Variants in TFRC observed in about 807,000 individuals in gnomAD.
TFRC encodes the protein transferrin receptor protein 1.
In TFRC, 35 loss-of-function variants were observed where a neutral mutation model predicts 85.8. The observed-to-expected ratio is 0.41, with a 90% CI of 0.31 to 0.54. The LOEUF (loss-of-function observed/expected upper bound fraction) is 0.54. Ranked by LOEUF, TFRC falls within the 20% of genes least tolerant of loss-of-function variation. The pLI is 0.31. For missense variants in TFRC, 828 were observed against 921.5 expected (o/e 0.90, Z 1.31); for synonymous variants, 362 against 328.6 (o/e 1.10, Z -1.10).
chr3:196,052,392 C>T (rs41298093), intron 18 of TFRC, among the ~76,000 whole-genome samples: 2 of 151,240 alleles, frequency 1.3e-5, no homozygotes, highest in African/African-American at 2.4e-5. Context: ...CTCCACCTCC[C>T]GAGTTCAAGC....
At chr3:196,056,006 G>A (rs1716759255) in intron 16 of TFRC, among the ~76,000 whole-genome samples, 2 of 151,518 alleles carry the variant, frequency 1.3e-5, no homozygotes, top group Middle Eastern at 3.4e-3. Context: ...GCCTCTCTCT[G>A]TCACCCAGGC....
At chr3:196,052,291 ACTTTT>A in intron 18 of TFRC, 107 bp from the exon 19 acceptor site, 3 of 883,434 alleles carry the variant, frequency 3.4e-6, no homozygotes, top group Non-Finnish European at 3.2e-6. Flanking sequence ...TGCCGATCAG[ACTTTT>A]TTTTTTTTTT....
intron 16 of TFRC, among the ~76,000 whole-genome samples, chr3:196,056,667 CT>C (rs1349589207): frequency 1.3e-5 from 2 of 152,268 alleles, no homozygotes; most frequent in East Asian, 3.9e-4. Flanking sequence ...CTCCCAAATG[CT>C]GGGATTACAG....
intron 18 of TFRC, 49 bp downstream of exon 18, chr3:196,053,369 G>C: frequency 6.2e-7 from 1 of 1,602,558 alleles, no homozygotes; most frequent in Admixed American, 1.7e-5. Context: ...AAGATTTATC[G>C]GTTATTTTAC....
At chr3:196,077,752 C>CAA (rs143065773) in intron 1 of TFRC, among the ~76,000 whole-genome samples, 4 of 144,718 alleles carry the variant, frequency 2.8e-5, no homozygotes, top group African/African-American at 7.6e-5. Flanking sequence ...AACTCTGTCT[C>CAA]AAAAAAAAAA....
chr3:196,058,800 C>T, intron 14 of TFRC, 168 bp from the exon 15 acceptor site: 1 of 418,768 alleles, frequency 2.4e-6, no homozygotes, highest in Non-Finnish European at 4.2e-6. Context: ...TAAGTTATTA[C>T]TAACTAGGCT....
chr3:196,061,991 C>A (rs1018875497), intron 13 of TFRC, among the ~76,000 whole-genome samples: 4 of 152,184 alleles, frequency 2.6e-5, no homozygotes, highest in African/African-American at 4.8e-5. Flanking sequence ...AGGCTGAGGG[C>A]AATGGCTCAT....
chr3:196,061,309 T>C (rs1201364922), intron 13 of TFRC, among the ~76,000 whole-genome samples: 1 of 152,186 alleles, frequency 6.6e-6, no homozygotes, highest in African/African-American at 2.4e-5. Flanking sequence ...CATAGTTTAG[T>C]TTCTTCTCAC....
At chr3:196,071,227 T>TA (rs1266312955) in intron 6 of TFRC, among the ~76,000 whole-genome samples, 169 bp downstream of exon 6, 1 of 152,112 alleles carries the variant, frequency 6.6e-6, no homozygotes, top group African/African-American at 2.4e-5. Context: ...GGAAAGTGAT[T>TA]AGAGAGAGAA....
chr3:196,071,313 A>G (rs1260798880), intron 6 of TFRC, 83 bp downstream of exon 6: 3 of 1,350,248 alleles, frequency 2.2e-6, no homozygotes, highest in Non-Finnish European at 3.1e-6. Flanking sequence ...TTACAGGTAA[A>G]TTTATAACTC....
At chr3:196,059,586 A>G (rs955421114) in intron 14 of TFRC, among the ~76,000 whole-genome samples, 3 of 151,940 alleles carry the variant, frequency 2.0e-5, no homozygotes, top group Non-Finnish European at 4.4e-5. Flanking sequence ...CCCATTAGGC[A>G]AATATTTTCT....
chr3:196,057,318 G>C (rs182281383), intron 16 of TFRC, among the ~76,000 whole-genome samples: 1 of 151,980 alleles, frequency 6.6e-6, no homozygotes, highest in Admixed American at 6.6e-5. Context: ...TCTAATTACC[G>C]GTGCATGCAA....
rs1410315130 is a variant in TFRC at position 196,074,004 on chromosome 3, A to G, written c.360T>C (p.Arg120=). Residue 120 remains arginine (R), a synonymous_variant, in exon 4 of 19, where the codon CGT becomes CGC. Coordinates refer to ENST00000360110, the MANE Select transcript of TFRC (RefSeq NM_001128148.3). ...TCTTCAGGTCATCCCAATATAAGCG[A>G]CGTGCTGCAGGGAAGTCCTCTCCTG... ...EEPGEDFPAA[R]RLYWDDLKRK... is the part of the protein sequence containing the mutation. 6.2e-7 allele frequency: 1 copy of G among 1,614,142 alleles called. No homozygotes were observed.
At chr3:196,075,885 G>GC (rs945719516) in intron 2 of TFRC, among the ~76,000 whole-genome samples, 8 of 151,026 alleles carry the variant, frequency 5.3e-5, no homozygotes, top group African/African-American at 1.7e-4. Context: ...CAGCACTCTG[G>GC]GGGGGGCCGA....
chr3:196,065,623 A>G (rs767587244), intron 9 of TFRC, 23 bp from the exon 10 acceptor site: 2 of 1,581,692 alleles, frequency 1.3e-6, no homozygotes, highest in South Asian at 2.3e-5. Flanking sequence ...AGCAGGCGTA[A>G]GTTCTGAGTT....
At position 196,064,328 on chromosome 3, in the gene TFRC, G is replaced by A. The variant is rs569191485; in HGVS notation, c.1299C>T (p.Phe433=). 3.1e-6 allele frequency: 5 copies of A among 1,611,920 alleles called. No individual in the cohort carries two copies. The African/African-American group carries it at 5.3e-5, about 17-fold the overall frequency. Reference sequence around the variant, plus strand: ...CTCTACCTTTTAAGACCATATCTGAGAACATCTGGGCAAGTTTCAATAGGA... The same window carrying A: ...CTCTACCTTTTAAGACCATATCTGAAAACATCTGGGCAAGTTTCAATAGGA... ...TALLLKLAQM[F]SDMVLKDGFQ... is the part of the protein sequence containing the mutation. The change falls in exon 11 of 19, where the codon TTC becomes TTT. Residue 433 remains phenylalanine (F), a synonymous_variant. Coordinates refer to ENST00000360110, the MANE Select transcript of TFRC (RefSeq NM_001128148.3).
rs573817361 is a variant in TFRC, at chr3:196,070,020, A to C, written c.688-452T>G. On this transcript the variant is annotated intron_variant, in intron 6 of 18. Coordinates refer to ENST00000360110, the MANE Select transcript of TFRC (RefSeq NM_001128148.3). The stretch of plus-strand genomic sequence containing the variant: ...GATGTGTCATGATGTTCCTAAGCTC[A>C]TAAGAGTCCAGATGAACAGCCATAA... Among the ~76,000 whole-genome samples the C allele has an allele frequency of 5.3e-5, 8 of 152,352 alleles. No individual in the cohort carries two copies. In the South Asian group the frequency reaches 8.3e-4, roughly 16 times the overall value.
intron 16 of TFRC, 78 bp downstream of exon 16, chr3:196,058,206 C>T: frequency 1.7e-6 from 2 of 1,167,220 alleles, no homozygotes; most frequent in Non-Finnish European, 2.5e-6. Flanking sequence ...ATTCCCATTG[C>T]AATGCCCTAT....
At chr3:196,060,325 C>T in intron 13 of TFRC, 78 bp from the exon 14 acceptor site, 2 of 1,220,952 alleles carry the variant, frequency 1.6e-6, no homozygotes, top group Non-Finnish European at 1.2e-6. Flanking sequence ...ACTATAAGTA[C>T]TTGACAAATA....
Sources: allele counts gnomAD v4.1 joint callset (sites outside exome capture counted in the v4.1 genomes callset), GRCh38; gene constraint gnomAD v4.1.1; transcripts MANE v1.5; gene names NCBI Gene and HGNC (gene_info 2026-07-23, HGNC 2026-07-21).